TRHDE: variants seen among roughly 807,000 people sequenced by gnomAD.
TRHDE encodes the protein thyrotropin releasing hormone degrading enzyme.
In TRHDE, 72 loss-of-function variants were observed where a neutral mutation model predicts 125.7. The observed-to-expected ratio is 0.57, with a 90% CI of 0.47 to 0.70. TRHDE has a LOEUF of 0.70. Among genes scored for constraint, TRHDE ranks in the 30% least tolerant of loss-of-function variants. The pLI is 0.00. For synonymous variants in TRHDE, 509 were observed against 509.1 expected, an observed-to-expected ratio of 1.00 and a Z score of 0.00; for missense variants, 1,110 against 1,327.1, an observed-to-expected ratio of 0.84 and a Z score of 2.54.
At chr12:72,157,750 T>C (rs1876549788) in intron 2 of TRHDE, among the ~76,000 whole-genome samples, 1 of 152,200 alleles carries the variant, frequency 6.6e-6, no homozygotes, top group African/African-American at 2.4e-5. Flanking sequence ...AGATGTTGAA[T>C]TGACTGTTGA....
At chr12:72,222,437 C>T (rs1293271093) in intron 2 of TRHDE, among the ~76,000 whole-genome samples, 1 of 152,096 alleles carries the variant, frequency 6.6e-6, no homozygotes, top group Non-Finnish European at 1.5e-5. Context: ...CATCGTAGAT[C>T]AATGATTTTC....
At chr12:72,138,326 G>C (rs1352838368) in intron 2 of TRHDE, among the ~76,000 whole-genome samples, 1 of 151,942 alleles carries the variant, frequency 6.6e-6, no homozygotes, top group Non-Finnish European at 1.5e-5. Context: ...AGTGAGTCGA[G>C]ATCACACCAT....
intron 6 of TRHDE, among the ~76,000 whole-genome samples, chr12:72,527,517 G>A (rs2135970069): frequency 6.6e-6 from 1 of 151,468 alleles, no homozygotes; most frequent in East Asian, 1.9e-4. Context: ...AGAGGCAGGG[G>A]ACCAGACAGA....
chr12:72,268,655 G>T (rs1879124300), upstream of TRHDE, among the ~76,000 whole-genome samples: 1 of 152,070 alleles, frequency 6.6e-6, no homozygotes, highest in Non-Finnish European at 1.5e-5. Flanking sequence ...ATACAAACCA[G>T]TGTGAAAAGA....
rs73146953 is a variant in TRHDE, at chr12:72,529,900, C to T, written c.1723-12391C>T. Among the ~76,000 whole-genome samples the T allele has an allele frequency of 1.9e-3, 296 of 152,234 alleles. 1 individual carries two copies. The highest frequency in any genetic ancestry group is 2.4e-3 in the Non-Finnish European group (162 of 68,006). Reference sequence around the variant, plus strand: ...AGCAATAAACAAATCAATGTTCTTACGCCTCCAACCCTGTGCATCTCACCT... The same window carrying T: ...AGCAATAAACAAATCAATGTTCTTATGCCTCCAACCCTGTGCATCTCACCT... On this transcript the variant is annotated intron_variant, in intron 6 of 18. Coordinates refer to ENST00000261180, the MANE Select transcript of TRHDE (RefSeq NM_013381.3).
At chr12:72,333,804 C>A (rs1409337168) in intron 2 of TRHDE, among the ~76,000 whole-genome samples, 2 of 152,164 alleles carry the variant, frequency 1.3e-5, no homozygotes, top group African/African-American at 4.8e-5. Flanking sequence ...TAATATTTTT[C>A]TGTTAGGAGT....
Position 72,216,403 on chromosome 12 carries a change from C to A in TRHDE, n.279+110651C>A, listed in dbSNP as rs570384932. Among the ~76,000 whole-genome samples the A allele has an allele frequency of 3.9e-5, 6 of 152,234 alleles. No individual in the cohort carries two copies. In the South Asian group the frequency reaches 8.3e-4, roughly 21 times the overall value. On this transcript the variant is annotated intron_variant and non_coding_transcript_variant, in intron 2 of 4. Coordinates refer to the TRHDE transcript ENST00000548156. Reference sequence around the variant, plus strand: ...ATGTATACTATTTGTTTACAGAAGTCTTGTGACTTAGCCAAAGTCACAGAA... The same window carrying A: ...ATGTATACTATTTGTTTACAGAAGTATTGTGACTTAGCCAAAGTCACAGAA...
intron 2 of TRHDE, among the ~76,000 whole-genome samples, chr12:72,181,332 C>T (rs986093778): frequency 1.3e-5 from 2 of 152,080 alleles, no homozygotes; most frequent in African/African-American, 2.4e-5. Context: ...CTTAATGCTT[C>T]GAGTTCGTCT....
At chr12:72,608,476 C>G (rs1186515744) in intron 12 of TRHDE, among the ~76,000 whole-genome samples, 1 of 152,114 alleles carries the variant, frequency 6.6e-6, no homozygotes, top group African/African-American at 2.4e-5. Flanking sequence ...AGGTATAGTA[C>G]TGCTAACTGA....
chr12:72,641,568 T>C (rs909231222), intron 15 of TRHDE, among the ~76,000 whole-genome samples: 1 of 152,152 alleles, frequency 6.6e-6, no homozygotes, highest in Non-Finnish European at 1.5e-5. Flanking sequence ...TTCTACTTTA[T>C]CTTTGGTATA....
At chr12:72,224,138 C>G (rs1485005289) in intron 2 of TRHDE, among the ~76,000 whole-genome samples, 22 of 53,034 alleles carry the variant, frequency 4.1e-4, no homozygotes, top group South Asian at 6.2e-4. Flanking sequence ...ATCTATCTAT[C>G]TATTTATCTA....
At chr12:72,541,800 C>T (rs1388891279) in intron 6 of TRHDE, among the ~76,000 whole-genome samples, 2 of 151,340 alleles carry the variant, frequency 1.3e-5, no homozygotes, top group East Asian at 1.9e-4. Context: ...GATTTGAACC[C>T]AGACAGTCTG....
chr12:72,280,142 A>G lies in TRHDE; in HGVS notation c.915-6539A>G, dbSNP rs569431935. ...GTGGAACCAGACTGCTTGGCCTCAT[A>G]TCCTGACTCTGCCACTTATTAGCTT... On this transcript the variant is annotated intron_variant, in intron 1 of 18. Transcript: ENST00000261180. Among the ~76,000 whole-genome samples, 285 of 152,144 alleles carry G rather than the reference A, an allele frequency of 1.9e-3. 1 individual carries two copies. Among genetic ancestry groups the G allele is most frequent in the African/African-American group, 6.6e-3 (274 of 41,468 alleles).
intron 2 of TRHDE, among the ~76,000 whole-genome samples, chr12:72,132,944 A>G (rs758250831): frequency 4.6e-5 from 7 of 152,212 alleles, no homozygotes; most frequent in Non-Finnish European, 8.8e-5. Context: ...GCATGTACAC[A>G]GGCATGGAGA....
intron 1 of TRHDE, among the ~76,000 whole-genome samples, chr12:72,098,594 A>G (rs1022669727): frequency 6.6e-6 from 1 of 152,182 alleles, no homozygotes; most frequent in African/African-American, 2.4e-5. Flanking sequence ...GGTAAAAGTT[A>G]TGTTGTGTCC....
intron 3 of TRHDE, among the ~76,000 whole-genome samples, chr12:72,445,084 T>G (rs1875212086): frequency 6.6e-6 from 1 of 151,872 alleles, no homozygotes; most frequent in African/African-American, 2.4e-5. Flanking sequence ...AAGTGATTAT[T>G]TGAAGGTTTT....
chr12:72,250,862 A>ATATT (rs981275202), intron 2 of TRHDE, among the ~76,000 whole-genome samples: 1 of 144,262 alleles, frequency 6.9e-6, no homozygotes, highest in African/African-American at 2.5e-5. Flanking sequence ...ATATATATAT[A>ATATT]TTTTATTTTT....
chr12:72,631,690 T>C (rs1283186277), intron 15 of TRHDE, among the ~76,000 whole-genome samples: 1 of 151,944 alleles, frequency 6.6e-6, no homozygotes, highest in African/African-American at 2.4e-5. Flanking sequence ...TAGAGAATTG[T>C]ATTTTGAGCA....
chr12:72,620,782 T>C (rs1873020263), intron 13 of TRHDE, among the ~76,000 whole-genome samples: 1 of 152,158 alleles, frequency 6.6e-6, no homozygotes, highest in Admixed American at 6.6e-5. Context: ...TTTGTACATA[T>C]GTACGCATAG....
Sources: gnomAD v4.1 joint callset for allele counts (sites outside exome capture counted in the v4.1 genomes callset) on GRCh38, gnomAD v4.1.1 for gene constraint, MANE v1.5 for transcripts, NCBI Gene and HGNC (gene_info 2026-07-23, HGNC 2026-07-21) for gene names.